The following ALK variants were observed in gnomAD, a reference collection of about 807,000 sequenced individuals.
ALK encodes ALK tyrosine kinase receptor.
Under a neutral mutation model 163.1 loss-of-function variants are expected in ALK, and 74 were observed. The observed-to-expected ratio is 0.45, with a 90% confidence interval of 0.38 to 0.55. ALK has a LOEUF of 0.55. Among genes scored for constraint, ALK ranks in the 20% least tolerant of loss-of-function variants. The probability of loss-of-function intolerance (pLI) is 0.00; values close to 1 mark genes in which losing one functional copy is unlikely to be tolerated. For synonymous variants in ALK, 960 were observed against 843.2 expected, an observed-to-expected ratio of 1.14 and a Z score of -2.40; for missense variants, 2,063 against 2,105.3, an observed-to-expected ratio of 0.98 and a Z score of 0.39.
intron 3 of ALK, among the ~76,000 whole-genome samples, chr2:29,597,396 A>C (rs1384018599): frequency 1.3e-5 from 2 of 152,206 alleles, no homozygotes; most frequent in African/African-American, 4.8e-5. Flanking sequence ...TGATAAATCA[A>C]AGAAGAATAT....
At chr2:29,767,435 T>C (rs1219942183) in intron 1 of ALK, among the ~76,000 whole-genome samples, 9 of 152,208 alleles carry the variant, frequency 5.9e-5, no homozygotes, top group Non-Finnish European at 8.8e-5. Context: ...AAAAATCTCA[T>C]GTCCCAGGAA....
intron 28 of ALK, among the ~76,000 whole-genome samples, chr2:29,195,108 C>T (rs1036505937): frequency 3.9e-5 from 6 of 152,104 alleles, no homozygotes; most frequent in African/African-American, 1.4e-4. Flanking sequence ...TTCTTTAGTT[C>T]CCTCTGTGTT....
intron 1 of ALK, among the ~76,000 whole-genome samples, chr2:29,809,773 A>G (rs1664705949): frequency 6.6e-6 from 1 of 152,216 alleles, no homozygotes; most frequent in Admixed American, 6.5e-5. Context: ...ATACAAGGCC[A>G]GGGAATTCCA....
chr2:29,633,037 G>A (rs28707079), intron 3 of ALK, among the ~76,000 whole-genome samples: 13,043 of 152,144 alleles, frequency 0.086, 1,096 homozygotes, highest in African/African-American at 0.22. Flanking sequence ...CATCCACCAC[G>A]CTGACACTCT....
chr2:29,456,848 G>C (rs1199125875), intron 4 of ALK, among the ~76,000 whole-genome samples: 1 of 152,160 alleles, frequency 6.6e-6, no homozygotes, highest in Non-Finnish European at 1.5e-5. Flanking sequence ...TGCTCAACGT[G>C]TACTGGTTTC....
chr2:29,780,596 C>A (rs1043949006), intron 1 of ALK, among the ~76,000 whole-genome samples: 3 of 152,166 alleles, frequency 2.0e-5, no homozygotes, highest in Non-Finnish European at 4.4e-5. Context: ...GTCAGGAATG[C>A]ACAGGAGGAA....
At chr2:29,196,560 G>T (rs917054424) in intron 28 of ALK, among the ~76,000 whole-genome samples, 1 of 152,216 alleles carries the variant, frequency 6.6e-6, no homozygotes, top group East Asian at 1.9e-4. Flanking sequence ...CTGGCACTGT[G>T]CTGTGTGCTG....
intron 3 of ALK, among the ~76,000 whole-genome samples, chr2:29,532,741 G>T (rs1230717133): frequency 6.6e-6 from 1 of 152,164 alleles, no homozygotes; most frequent in Non-Finnish European, 1.5e-5. Flanking sequence ...TACATTCATG[G>T]GGATTACTGT....
At chr2:29,281,007 T>C (rs1665704061) in intron 9 of ALK, among the ~76,000 whole-genome samples, 2 of 151,848 alleles carry the variant, frequency 1.3e-5, no homozygotes, top group Non-Finnish European at 1.5e-5. Flanking sequence ...GGTGATCCAT[T>C]CTGGGATTGA....
intron 1 of ALK, among the ~76,000 whole-genome samples, chr2:29,769,893 G>A (rs187825624): frequency 5.3e-5 from 8 of 152,318 alleles, no homozygotes; most frequent in East Asian, 1.9e-4. Context: ...AGCTGCATCC[G>A]CAACTGATAG....
At chr2:29,240,338 G>C (rs892411717) in intron 12 of ALK, among the ~76,000 whole-genome samples, 1 of 152,170 alleles carries the variant, frequency 6.6e-6, no homozygotes, top group Non-Finnish European at 1.5e-5. Context: ...GATAATAAGT[G>C]AACTTGCCTC....
intron 3 of ALK, among the ~76,000 whole-genome samples, chr2:29,573,088 T>A (rs746061805): frequency 2.6e-5 from 4 of 152,254 alleles, no homozygotes; most frequent in Non-Finnish European, 5.9e-5. Context: ...GCCTGGCTTC[T>A]CTTTTCCTGA....
At chr2:29,366,206 G>T (rs534986905) in intron 5 of ALK, among the ~76,000 whole-genome samples, 55 of 152,284 alleles carry the variant, frequency 3.6e-4, no homozygotes, top group African/African-American at 1.2e-3. Context: ...GGCAGAATGT[G>T]CAGTGATGTG....
At chr2:29,373,057 C>T (rs1033393269) in intron 5 of ALK, among the ~76,000 whole-genome samples, 1 of 152,102 alleles carries the variant, frequency 6.6e-6, no homozygotes, top group East Asian at 1.9e-4. Flanking sequence ...CTTCCCAAGC[C>T]CCTTCCCCAT....
chr2:29,342,877 C>CTTTTTTTTT (rs57838065), intron 5 of ALK, among the ~76,000 whole-genome samples: 13 of 90,446 alleles, frequency 1.4e-4, no homozygotes, highest in Non-Finnish European at 2.0e-4. Context: ...GCTCAGTGAT[C>CTTTTTTTTT]TTTTTTTTTT....
chr2:29,756,790 G>C (rs1169678991), intron 1 of ALK, among the ~76,000 whole-genome samples: 2 of 152,142 alleles, frequency 1.3e-5, no homozygotes, highest in Admixed American at 6.5e-5. Context: ...GCCTTTCAAA[G>C]TGCTGGGATT....
chr2:29,390,587 A>AC (rs1192149283), intron 4 of ALK, among the ~76,000 whole-genome samples: 2 of 151,850 alleles, frequency 1.3e-5, no homozygotes, highest in Non-Finnish European at 2.9e-5. Context: ...AGAAAAAAAA[A>AC]AAACATTTGA....
intron 12 of ALK, among the ~76,000 whole-genome samples, chr2:29,245,067 G>A (rs1311142837): frequency 1.1e-4 from 17 of 149,550 alleles, no homozygotes; most frequent in Admixed American, 1.1e-3. Flanking sequence ...AGTTGGGGCT[G>A]TATGGCTCAC....
intron 5 of ALK, among the ~76,000 whole-genome samples, chr2:29,336,437 C>G (rs149380461): frequency 6.6e-6 from 1 of 152,266 alleles, no homozygotes; most frequent in African/African-American, 2.4e-5. Flanking sequence ...CTGTCACTTG[C>G]ATCCTGGAAC....
Sources: allele counts gnomAD v4.1 joint callset (sites outside exome capture counted in the v4.1 genomes callset), GRCh38; gene constraint gnomAD v4.1.1; transcripts MANE v1.5; gene names NCBI Gene and HGNC (gene_info 2026-07-23, HGNC 2026-07-21).